The following NXN variants were observed in gnomAD, a reference collection of about 807,000 sequenced individuals.
NXN encodes the protein nucleoredoxin 1.
NXN carries 16 observed loss-of-function variants against 48.6 expected under a neutral mutation model. The ratio of observed to expected loss-of-function variants is 0.33; its 90% CI spans 0.22 to 0.50. The LOEUF (loss-of-function observed/expected upper bound fraction) is 0.50. Among genes scored for constraint, NXN ranks in the 20% least tolerant of loss-of-function variants. The pLI, the probability that NXN is intolerant of heterozygous loss-of-function variation, is 0.98. For missense variants in NXN, 492 were observed against 605.5 expected (o/e 0.81, Z 1.97); for synonymous variants, 281 against 269.6 (o/e 1.04, Z -0.41).
At chr17:832,275 T>G (rs1324107404) in intron 1 of NXN, among the ~76,000 whole-genome samples, 1 of 151,942 alleles carries the variant, frequency 6.6e-6, no homozygotes, top group Non-Finnish European at 1.5e-5. Context: ...CCTCCCAGGT[T>G]CACACCATTC....
In NXN at chr17:979,495, C is replaced by G. The variant is rs906010846; in HGVS notation, c.184G>C (p.Gly62Arg). 2 of 1,212,702 alleles carry G rather than the reference C, an allele frequency of 1.6e-6. No individual in the cohort carries two copies. Among genetic ancestry groups the G allele is most frequent in the African/African-American group, 3.2e-5 (2 of 62,664 alleles). The allele number at this position is 1,212,702 out of a possible 1,614,324, so 75.1% of individuals were successfully genotyped here. A position where few individuals can be genotyped will look rare whatever the true frequency, so the allele number is the denominator to read the frequency against. Residue 62 changes from glycine (G) to arginine (R), a missense_variant, in exon 1 of 8, where the codon GGG (glycine) becomes CGG (arginine). Gly to Arg is a moderately radical substitution (Grantham distance 125). This residue lies in a region of NXN where 186 missense variants were observed against 199.1 expected (regional missense o/e 0.93). Coordinates refer to ENST00000336868, the MANE Select transcript of NXN (RefSeq NM_022463.5). ...SLAAFYGRLR[G>R]DAAAGPGPGA... is the part of the protein sequence containing the mutation. ...GGCCCCGGCCCGGCCGCCGCGTCCC[C>G]CCGCAGGCGCCCGTAGAAGGCGGCC... is the stretch of plus-strand genomic sequence containing the variant.
intron 1 of NXN, among the ~76,000 whole-genome samples, chr17:895,273 T>C (rs1198957359): frequency 6.6e-6 from 1 of 151,632 alleles, no homozygotes; most frequent in Non-Finnish European, 1.5e-5. Context: ...TGCCCCAGCC[T>C]CCCAAAGTGC....
chr17:948,555 C>T (rs533745330), intron 1 of NXN, among the ~76,000 whole-genome samples: 1 of 152,108 alleles, frequency 6.6e-6, no homozygotes, highest in Non-Finnish European at 1.5e-5. Context: ...CGCTGGGGAC[C>T]TAGCGGTGAA....
At chr17:968,022 G>T (rs1364334938) in intron 1 of NXN, among the ~76,000 whole-genome samples, 1 of 152,114 alleles carries the variant, frequency 6.6e-6, no homozygotes, top group East Asian at 1.9e-4. Flanking sequence ...ATACTAACTG[G>T]ATATTTGCTG....
At chr17:837,150 T>G (rs889000268) in intron 1 of NXN, among the ~76,000 whole-genome samples, 4 of 151,164 alleles carry the variant, frequency 2.6e-5, no homozygotes, top group Non-Finnish European at 5.9e-5. Context: ...ACTAATTTTT[T>G]GATGTTTTGT....
intron 1 of NXN, among the ~76,000 whole-genome samples, chr17:900,913 CTTTTTTTTTTT>C (rs11367844): frequency 3.7e-4 from 28 of 75,860 alleles, no homozygotes; most frequent in South Asian, 1.4e-3. Context: ...GATCTGCATT[CTTTTTTTTTTT>C]TTTTTTTTTT....
At chr17:931,024 C>T (rs912565871) in intron 1 of NXN, among the ~76,000 whole-genome samples, 2 of 152,144 alleles carry the variant, frequency 1.3e-5, no homozygotes, top group African/African-American at 4.8e-5. Context: ...CCGACTCAGC[C>T]TCCCAAAGTG....
At chr17:974,701 C>A (rs1370102857) in intron 1 of NXN, among the ~76,000 whole-genome samples, 1 of 151,412 alleles carries the variant, frequency 6.6e-6, no homozygotes, top group African/African-American at 2.4e-5. Flanking sequence ...TATTTTTAGC[C>A]ATGTATTAGA....
intron 5 of NXN, 135 bp from the exon 6 acceptor site, chr17:805,382 G>A: frequency 1.1e-6 from 1 of 927,530 alleles, no homozygotes; most frequent in African/African-American, 1.7e-5. Context: ...GGCTCACAAT[G>A]AAGAGGCCAG....
intron 5 of NXN, among the ~76,000 whole-genome samples, chr17:812,126 A>C (rs1307852846): frequency 6.7e-6 from 1 of 150,002 alleles, no homozygotes; most frequent in African/African-American, 2.5e-5. Context: ...ACGGGGTTTC[A>C]CCGTGTTAGC....
intron 1 of NXN, among the ~76,000 whole-genome samples, chr17:951,923 C>T (rs1356197326): frequency 6.6e-6 from 1 of 152,202 alleles, no homozygotes; most frequent in Non-Finnish European, 1.5e-5. Context: ...TGCACCAGAG[C>T]CTGAGTCCTG....
At position 825,898 on chromosome 17, in the gene NXN, T is replaced by C; in HGVS notation, c.478+63A>G. The C allele has an allele frequency of 1.9e-6, 2 of 1,060,440 alleles. No individual in the cohort carries two copies. The highest frequency in any genetic ancestry group is 2.9e-6 in the Non-Finnish European group (2 of 698,604). The allele number at this position is 1,060,440 out of a possible 1,614,324, so 65.7% of individuals were successfully genotyped here. Reference sequence around the variant, plus strand: ...TCCACCGGTGGGACGGAGATTAGCCTAAGGGCATGGAGGAGGGAGGGCTGG... The same window carrying C: ...TCCACCGGTGGGACGGAGATTAGCCCAAGGGCATGGAGGAGGGAGGGCTGG... On this transcript the variant is annotated intron_variant, in intron 2 of 7. Coordinates refer to ENST00000336868, the MANE Select transcript of NXN (RefSeq NM_022463.5). The surrounding 1 kb of genome is among the most constrained non-coding windows in gnomAD (Gnocchi z 4.1).
At chr17:839,180 A>G (rs767329082) in intron 1 of NXN, among the ~76,000 whole-genome samples, 7 of 152,200 alleles carry the variant, frequency 4.6e-5, no homozygotes, top group Non-Finnish European at 1.0e-4. Flanking sequence ...CACGCCTGGA[A>G]TCCCAGCATT....
chr17:897,728 T>C (rs1324955456), intron 1 of NXN, among the ~76,000 whole-genome samples: 1 of 152,134 alleles, frequency 6.6e-6, no homozygotes. Context: ...CAGGCTGGAG[T>C]GCAGTGGCAC....
rs139674120 is a variant in NXN, at chr17:872,075, G to A, written c.361-45997C>T. The stretch of plus-strand genomic sequence containing the variant: ...ACAGGATGAGGAAGAAGGGCCTGAA[G>A]CCATAAATGGAAGAACCAGGGATGA... On this transcript the variant is annotated intron_variant, in intron 1 of 7. Coordinates refer to ENST00000336868, the MANE Select transcript of NXN (RefSeq NM_022463.5). Among the ~76,000 whole-genome samples, 459 of 152,256 alleles carry A rather than the reference G, an allele frequency of 3.0e-3. 3 individuals carry two copies. The highest frequency in any genetic ancestry group is 8.4e-3 in the African/African-American group (350 of 41,548).
At chr17:929,239 G>A (rs2068830179) in intron 1 of NXN, among the ~76,000 whole-genome samples, 1 of 152,202 alleles carries the variant, frequency 6.6e-6, no homozygotes, top group African/African-American at 2.4e-5. Flanking sequence ...CCTCCACTCT[G>A]TCCCCCACCA....
rs1911181568 is a variant in NXN at position 801,148 on chromosome 17, G to A, written c.1126-17C>T. 2.7e-6 allele frequency: 4 copies of A among 1,504,746 alleles called. No individual in the cohort carries two copies. Among genetic ancestry groups the A allele is most frequent in the Non-Finnish European group, 3.6e-6 (4 of 1,124,116 alleles). 93.2% of individuals were successfully genotyped at this position (1,504,746 alleles called of 1,614,324 possible). A position where few individuals can be genotyped will look rare whatever the true frequency, so the allele number is the denominator to read the frequency against. On this transcript the variant is annotated splice_polypyrimidine_tract_variant and intron_variant, in intron 7 of 7. Coordinates refer to ENST00000336868, the MANE Select transcript of NXN (RefSeq NM_022463.5). The stretch of plus-strand genomic sequence containing the variant: ...CATGTCATCCTGAAGCCGTCAGGAG[G>A]GAGAGAAAACCAAGAAGTTTTAAAG...
chr17:885,402 G>A (rs145055818), intron 1 of NXN, among the ~76,000 whole-genome samples: 9,088 of 151,716 alleles, frequency 0.06, 541 homozygotes, highest in African/African-American at 0.15. Flanking sequence ...ACTTGAACCC[G>A]GGAGGTGGAG....
At position 866,909 on chromosome 17, in the gene NXN, G is replaced by A. The variant is rs138216973; in HGVS notation, c.361-40831C>T. 5.7e-3 allele frequency among the ~76,000 whole-genome samples: 871 copies of A among 152,328 alleles called. 13 individuals are homozygous for A. The highest frequency in any genetic ancestry group is 0.019 in the African/African-American group (801 of 41,566). On this transcript the variant is annotated intron_variant, in intron 1 of 7. Transcript: ENST00000336868. ...TCAGCTGGTGCCAGCCTCAGGCTGC[G>A]GGTCAGAACATGTGAGTGGAAACAG...
Sources: allele counts gnomAD v4.1 joint callset (sites outside exome capture counted in the v4.1 genomes callset), GRCh38; gene constraint gnomAD v4.1.1; regional missense constraint gnomAD v4.1.1; non-coding constraint Gnocchi (gnomAD v3.1); transcripts MANE v1.5; gene names NCBI Gene and HGNC (gene_info 2026-07-23, HGNC 2026-07-21).